Variants in PLCB1 observed in about 807,000 individuals in gnomAD.
PLCB1 encodes the protein phospholipase C beta 1, also known as 1-phosphatidylinositol 4,5-bisphosphate phosphodiesterase beta-1.
In PLCB1, 46 loss-of-function variants were observed where a neutral mutation model predicts 161.8. The observed-to-expected ratio is 0.28, with a 90% confidence interval of 0.22 to 0.36. The LOEUF (loss-of-function observed/expected upper bound fraction) is 0.36, where lower values mean the gene tolerates loss of function less well. PLCB1 is among the 10% of genes least tolerant of loss of function. PLCB1 has a pLI of 1.00. For synonymous variants in PLCB1, 517 were observed against 503.7 expected (o/e 1.03, Z -0.35); for missense variants, 1,016 against 1,472.5 (o/e 0.69, Z 5.07).
intron 8 of PLCB1, 109 bp downstream of exon 8, chr20:8,657,393 GTC>G (rs1989491690): frequency 2.8e-6 from 2 of 723,626 alleles, no homozygotes; most frequent in Non-Finnish European, 5.0e-6. Flanking sequence ...CATACACTGT[GTC>G]TAAAAGCAAT....
chr20:8,711,731 G>A (rs908201279), intron 12 of PLCB1, among the ~76,000 whole-genome samples: 6 of 152,050 alleles, frequency 3.9e-5, no homozygotes, highest in East Asian at 1.9e-4. Context: ...CTTTCCCTTC[G>A]CTGGTAAAAC....
At chr20:8,740,011 T>C (rs1373176821) in intron 21 of PLCB1, among the ~76,000 whole-genome samples, 1 of 151,988 alleles carries the variant, frequency 6.6e-6, no homozygotes, top group Non-Finnish European at 1.5e-5. Flanking sequence ...CAAAAAATAA[T>C]AATAACAATT....
chr20:8,291,982 C>T (rs776511960), intron 2 of PLCB1, among the ~76,000 whole-genome samples: 3 of 152,024 alleles, frequency 2.0e-5, no homozygotes, highest in Non-Finnish European at 2.9e-5. Context: ...GGAATGTTGC[C>T]CAGGCTCTGT....
intron 2 of PLCB1, among the ~76,000 whole-genome samples, chr20:8,351,584 C>G (rs1986178998): frequency 6.6e-6 from 1 of 151,894 alleles, no homozygotes; most frequent in South Asian, 2.1e-4. Flanking sequence ...ATATGGAAAT[C>G]ACATTGTGAT....
In PLCB1 at chr20:8,753,382, TGGGGACCACTGAC is replaced by T; in HGVS notation, c.2524-3663_2524-3651del. Among the ~76,000 whole-genome samples, 2 of 152,174 alleles carry T rather than the reference TGGGGACCACTGAC, an allele frequency of 1.3e-5. 1 individual carries two copies. The highest frequency in any genetic ancestry group is 4.1e-4 in the South Asian group (2 of 4,826). On this transcript the variant is annotated intron_variant, in intron 23 of 31. Transcript: ENST00000338037. ...AACTGGTCCTTGGTGCCAGAAAGGC[TGGGGACCACTGAC>T]TTAACTTGTATATAACATCTGTCTC...
At chr20:8,502,440 A>G (rs1007837114) in intron 3 of PLCB1, among the ~76,000 whole-genome samples, 9 of 152,208 alleles carry the variant, frequency 5.9e-5, no homozygotes, top group Non-Finnish European at 8.8e-5. Flanking sequence ...CATTATTTGT[A>G]AGATATTAAT....
At chr20:8,378,828 A>G (rs540421093) in intron 3 of PLCB1, among the ~76,000 whole-genome samples, 2 of 152,276 alleles carry the variant, frequency 1.3e-5, no homozygotes, top group African/African-American at 4.8e-5. Flanking sequence ...AATATTCTAA[A>G]TCTTTTGTTG....
At chr20:8,730,827 A>G (rs1473337167) in intron 18 of PLCB1, among the ~76,000 whole-genome samples, 1 of 151,452 alleles carries the variant, frequency 6.6e-6, no homozygotes, top group East Asian at 1.9e-4. Context: ...CTTTCTTTTT[A>G]TTTATATTAT....
At chr20:8,402,684 A>G (rs896675787) in intron 3 of PLCB1, among the ~76,000 whole-genome samples, 19 of 151,350 alleles carry the variant, frequency 1.3e-4, no homozygotes, top group Admixed American at 3.9e-4. Flanking sequence ...AATACAAAAA[A>G]AAAAAAAAAA....
chr20:8,813,055 T>C (rs895739649), intron 31 of PLCB1, among the ~76,000 whole-genome samples: 5 of 151,980 alleles, frequency 3.3e-5, no homozygotes, highest in Non-Finnish European at 5.9e-5. Context: ...GCCTGGGAGG[T>C]TTCTAACCTG....
intron 3 of PLCB1, among the ~76,000 whole-genome samples, chr20:8,570,190 C>T (rs1318624339): frequency 6.6e-6 from 1 of 152,118 alleles, no homozygotes; most frequent in African/African-American, 2.4e-5. Flanking sequence ...AACAAAATTT[C>T]AGAGGTCATC....
In PLCB1 at chr20:8,649,538, G is replaced by A. The variant is rs1055064739; in HGVS notation, c.594+89G>A. 5 of 887,286 alleles carry A rather than the reference G, an allele frequency of 5.6e-6. No individual in the cohort carries two copies. In the African/African-American group the frequency reaches 8.2e-5, roughly 15 times the overall value. 55.0% of individuals were successfully genotyped at this position (887,286 alleles called of 1,614,324 possible). A position where few individuals can be genotyped will look rare whatever the true frequency, so the allele number is the denominator to read the frequency against. The stretch of plus-strand genomic sequence containing the variant: ...AATCCCCAATATGACAGTTTTGAGA[G>A]GTAGGGCCTTTAAGAGGAAATTAAG... On this transcript the variant is annotated intron_variant, in intron 7 of 31. Transcript: ENST00000338037.
At chr20:8,574,921 G>C (rs1986630079) in intron 3 of PLCB1, among the ~76,000 whole-genome samples, 1 of 152,176 alleles carries the variant, frequency 6.6e-6, no homozygotes, top group Non-Finnish European at 1.5e-5. Flanking sequence ...TCAATAAGAT[G>C]GTAAAGAGAG....
intron 3 of PLCB1, among the ~76,000 whole-genome samples, chr20:8,486,633 C>T (rs1029051993): frequency 1.3e-5 from 2 of 150,834 alleles, no homozygotes; most frequent in Non-Finnish European, 3.0e-5. Flanking sequence ...GTAGCTGGGA[C>T]TACAGGCGCC....
At chr20:8,697,807 G>T in intron 11 of PLCB1, 24 bp downstream of exon 11, 1 of 1,609,876 alleles carries the variant, frequency 6.2e-7, no homozygotes, top group Non-Finnish European at 8.5e-7. Context: ...ATGTTACTAA[G>T]AGAGGCAGCT....
chr20:8,134,880 A>C (rs1028408575), intron 1 of PLCB1, among the ~76,000 whole-genome samples: 27 of 152,200 alleles, frequency 1.8e-4, no homozygotes, highest in African/African-American at 1.2e-4. Context: ...AAAAAAAAAA[A>C]AAAACCTAGA....
intron 3 of PLCB1, among the ~76,000 whole-genome samples, chr20:8,616,022 C>T (rs1048097957): frequency 2.6e-5 from 4 of 152,138 alleles, no homozygotes; most frequent in Admixed American, 1.3e-4. Flanking sequence ...GTTCAGAAAC[C>T]GAGGGTTGTT....
intron 7 of PLCB1, among the ~76,000 whole-genome samples, chr20:8,650,836 A>T (rs1248746198): frequency 8.2e-6 from 1 of 121,324 alleles, no homozygotes; most frequent in African/African-American, 4.0e-5. Context: ...CTGTGCTCAG[A>T]AAGTTTTTAC....
chr20:8,572,693 CA>C (rs1046270432), intron 3 of PLCB1, among the ~76,000 whole-genome samples: 30 of 152,142 alleles, frequency 2.0e-4, no homozygotes, highest in Non-Finnish European at 3.5e-4. Context: ...ATTGTTCGAT[CA>C]GACTTCAGTT....
Sources: gnomAD v4.1 joint callset for allele counts (sites outside exome capture counted in the v4.1 genomes callset) on GRCh38, gnomAD v4.1.1 for gene constraint, MANE v1.5 for transcripts, NCBI Gene and HGNC (gene_info 2026-07-23, HGNC 2026-07-21) for gene names.